EPHB2: variants seen among roughly 807,000 people sequenced by gnomAD.
EPHB2 encodes EPH receptor B2.
EPHB2 carries 18 observed loss-of-function variants against 96.4 expected under a neutral mutation model. The ratio of observed to expected loss-of-function variants is 0.19; its 90% CI spans 0.13 to 0.28. EPHB2 has a LOEUF of 0.28. EPHB2 is among the 10% of genes least tolerant of loss of function. The probability of loss-of-function intolerance (pLI) is 1.00; values close to 1 mark genes in which losing one functional copy is unlikely to be tolerated. For missense variants in EPHB2, 989 were observed against 1,355.4 expected (o/e 0.73, Z 4.25); for synonymous variants, 506 against 534.1 (o/e 0.95, Z 0.72).
chr1:22,774,766 T>G, intron 1 of EPHB2: 1 of 283,530 alleles, frequency 3.5e-6, no homozygotes, highest in Non-Finnish European at 5.3e-6. Flanking sequence ...CCAGCTGCTG[T>G]GTGGAGGTTG....
At chr1:22,815,917 A>C (rs1645069615) in intron 3 of EPHB2, among the ~76,000 whole-genome samples, 1 of 152,290 alleles carries the variant, frequency 6.6e-6, no homozygotes, top group East Asian at 1.9e-4. Flanking sequence ...CACCATGTCC[A>C]TCGGGCATCT....
intron 6 of EPHB2, among the ~76,000 whole-genome samples, chr1:22,883,710 G>A (rs1019614912): frequency 5.3e-5 from 8 of 152,178 alleles, no homozygotes; most frequent in African/African-American, 1.9e-4. Context: ...CGGCTAACCA[G>A]GCCGGTCTCC....
chr1:22,795,153 C>T (rs1329387476), intron 3 of EPHB2, among the ~76,000 whole-genome samples: 1 of 152,186 alleles, frequency 6.6e-6, no homozygotes, highest in Non-Finnish European at 1.5e-5. Flanking sequence ...TCATACCTCA[C>T]AAGAGGAACC....
At chr1:22,804,716 G>C (rs185351286) in intron 3 of EPHB2, among the ~76,000 whole-genome samples, 92 of 148,936 alleles carry the variant, frequency 6.2e-4, no homozygotes, top group Non-Finnish European at 4.6e-4. Context: ...CTCTGAACTT[G>C]ACTCTTCCCT....
intron 1 of EPHB2, among the ~76,000 whole-genome samples, chr1:22,740,744 C>T (rs1373729558): frequency 6.6e-6 from 1 of 151,962 alleles, no homozygotes; most frequent in Non-Finnish European, 1.5e-5. Context: ...CCGCCCGTCT[C>T]ATCCCTCCCA....
chr1:22,886,692 T>C (rs1639236617), intron 6 of EPHB2, among the ~76,000 whole-genome samples: 1 of 137,606 alleles, frequency 7.3e-6, no homozygotes, highest in African/African-American at 2.7e-5. Context: ...AGTGGCACAA[T>C]CTCGGCTCAC....
chr1:22,793,621 T>G (rs2582018), intron 3 of EPHB2, among the ~76,000 whole-genome samples: 134,720 of 152,192 alleles, frequency 0.89, 60,015 homozygotes, highest in Non-Finnish European at 0.94. Flanking sequence ...ATGGTGGAAG[T>G]GCTGCCAGGG....
rs116133970 is a variant in EPHB2, at chr1:22,793,508, G to A, written c.811+8432G>A. On this transcript the variant is annotated intron_variant, in intron 3 of 15. Transcript: ENST00000374630. ...TCCAGGAAAAAAATGGTTGGAAATG[G>A]TGGTGGTTTTTTTCTTTTTAAACCC... Among the ~76,000 whole-genome samples the A allele has an allele frequency of 1.2e-3, 186 of 152,308 alleles. 2 individuals carry two copies. Among genetic ancestry groups the A allele is most frequent in the African/African-American group, 4.1e-3 (171 of 41,550 alleles).
Position 22,899,431 on chromosome 1 carries a change from G to T in EPHB2, c.1765+2953G>T, listed in dbSNP as rs979662351. Reference sequence around the variant, plus strand: ...CAGGAGAATCCCTTGAACCCGGGAGGTGAAGGTTGCAGTGAGCCGAGATCA... The same window carrying T: ...CAGGAGAATCCCTTGAACCCGGGAGTTGAAGGTTGCAGTGAGCCGAGATCA... On this transcript the variant is annotated intron_variant, in intron 9 of 15. Transcript: ENST00000374630. Among the ~76,000 whole-genome samples the T allele has an allele frequency of 2.0e-5, 3 of 151,750 alleles. No homozygotes were observed. In the East Asian group the frequency reaches 5.8e-4, roughly 29 times the overall value.
At chr1:22,801,422 TC>T in intron 3 of EPHB2, among the ~76,000 whole-genome samples, 1 of 152,196 alleles carries the variant, frequency 6.6e-6, no homozygotes, top group Non-Finnish European at 1.5e-5. Context: ...GCTGGTGTTA[TC>T]CGCCTTCCAC....
chr1:22,775,141 T>C (rs1644431743), intron 1 of EPHB2: 2 of 776,876 alleles, frequency 2.6e-6, no homozygotes, highest in South Asian at 2.7e-5. Flanking sequence ...TTTTGTGTTG[T>C]CTGTTTTTTA....
In EPHB2 at chr1:22,863,182, G is replaced by T; in HGVS notation, c.957G>T (p.Met319Ile). 1 of 1,614,206 alleles carries T rather than the reference G, an allele frequency of 6.2e-7. No homozygotes were observed. The highest frequency in any genetic ancestry group is 1.7e-4 in the Middle Eastern group (1 of 6,056). The change falls in exon 4 of 16, where the codon ATG becomes ATT. Residue 319 changes from methionine to isoleucine, a missense_variant. Coordinates refer to ENST00000374630, the MANE Select transcript of EPHB2 (RefSeq NM_017449.5). ...YYRADLDPLD[M>I]PCTTIPSAPQ... ...GAGCAGACCTGGACCCCCTGGACAT[G>T]CCCTGCACAAGTAAGTCCTAGGGCC...
rs535246449 is a variant in EPHB2, at chr1:22,776,246, G to A, written c.62-5175G>A. 4.1e-4 allele frequency among the ~76,000 whole-genome samples: 62 copies of A among 152,086 alleles called. No homozygotes were observed. In the South Asian group the frequency reaches 6.0e-3, roughly 15 times the overall value. ...TGCCTCTGCTTCCCCTCTGCCTAGCGTGCCCCTCCCACTCCACATCAGTCA... is the reference window on the plus strand; with the variant it reads ...TGCCTCTGCTTCCCCTCTGCCTAGCATGCCCCTCCCACTCCACATCAGTCA... On this transcript the variant is annotated intron_variant, in intron 1 of 15. Coordinates refer to ENST00000374630, the MANE Select transcript of EPHB2 (RefSeq NM_017449.5).
In EPHB2 at chr1:22,915,056, C is replaced by G. The variant is rs1475653514; in HGVS notation, c.*1486C>G. ...AACCAGGCTGCATCGGAGGCCAGGA[C>G]CCGGATCATTCACTGTGATACCCTG... On this transcript the variant is annotated 3_prime_UTR_variant, in exon 16 of 16. Coordinates refer to ENST00000374630, the MANE Select transcript of EPHB2 (RefSeq NM_017449.5). 1 of 152,584 alleles carries G rather than the reference C, an allele frequency of 6.6e-6. No individual in the cohort carries two copies. The highest frequency in any genetic ancestry group is 1.5e-5 in the Non-Finnish European group (1 of 68,028). The allele number at this position is 152,584 out of a possible 1,614,324, so 9.5% of individuals were successfully genotyped here.
At chr1:22,738,855 G>A (rs1333118802) in intron 1 of EPHB2, among the ~76,000 whole-genome samples, 1 of 152,144 alleles carries the variant, frequency 6.6e-6, no homozygotes, top group East Asian at 1.9e-4. Flanking sequence ...GGAACCTCTA[G>A]ACCAAGGTGC....
intron 3 of EPHB2, among the ~76,000 whole-genome samples, chr1:22,822,872 C>T (rs1202828834): frequency 6.6e-6 from 1 of 152,262 alleles, no homozygotes; most frequent in East Asian, 1.9e-4. Context: ...ACCCGTCCCA[C>T]AGAGCCACAT....
intron 5 of EPHB2, 130 bp downstream of exon 5, chr1:22,865,342 C>T (rs1168816687): frequency 4.6e-5 from 50 of 1,089,858 alleles, no homozygotes; most frequent in South Asian, 4.0e-4. Context: ...TTCATGTGAT[C>T]GGTCCACCTG....
intron 7 of EPHB2, 63 bp from the exon 8 acceptor site, chr1:22,895,409 G>A: frequency 6.6e-7 from 1 of 1,505,770 alleles, no homozygotes; most frequent in Non-Finnish European, 9.2e-7. Context: ...CAGGGGGTAG[G>A]GGACAAGGGT....
At chr1:22,839,442 CGT>C (rs1645433635) in intron 3 of EPHB2, among the ~76,000 whole-genome samples, 1 of 152,134 alleles carries the variant, frequency 6.6e-6, no homozygotes, top group East Asian at 1.9e-4. Context: ...GCCTGGTGAC[CGT>C]CAGCAAGAGG....
Sources: gnomAD v4.1 joint callset for allele counts (sites outside exome capture counted in the v4.1 genomes callset) on GRCh38, gnomAD v4.1.1 for gene constraint, MANE v1.5 for transcripts, NCBI Gene and HGNC (gene_info 2026-07-23, HGNC 2026-07-21) for gene names.